Variants in ZNF705G observed in about 807,000 individuals in gnomAD.
ZNF705G encodes the protein putative zinc finger protein 705G.
ZNF705G carries 23 observed loss-of-function variants against 19.6 expected under a neutral mutation model. The observed-to-expected ratio is 1.17, with a 90% CI of 0.84 to 1.66. ZNF705G has a LOEUF of 1.66. ZNF705G is among the 40% of genes most tolerant of loss of function. The probability of loss-of-function intolerance (pLI) is 0.00; values close to 1 mark genes in which losing one functional copy is unlikely to be tolerated. For synonymous variants in ZNF705G, 146 were observed against 117.7 expected (o/e 1.24, Z -1.56); for missense variants, 457 against 354.4 (o/e 1.29, Z -2.32).
At chr8:7,370,472 A>G (rs1807054378) in intron 2 of ZNF705G, among the ~76,000 whole-genome samples, 1 of 149,522 alleles carries the variant, frequency 6.7e-6, no homozygotes, top group African/African-American at 2.6e-5. Flanking sequence ...TGGAGAAAAG[A>G]TAACCCTTGT....
intron 2 of ZNF705G, among the ~76,000 whole-genome samples, chr8:7,366,582 T>A (rs1487260384): frequency 6.7e-6 from 1 of 149,668 alleles, no homozygotes; most frequent in Non-Finnish European, 1.5e-5. Flanking sequence ...TGAAAAATAA[T>A]AATACCTGAG....
At chr8:7,383,213 A>G (rs1220901036) in intron 1 of ZNF705G, among the ~76,000 whole-genome samples, 1 of 149,606 alleles carries the variant, frequency 6.7e-6, no homozygotes, top group East Asian at 1.9e-4. Flanking sequence ...ATAGATTACA[A>G]CTAGGTGACA....
rs186976752 is a variant in ZNF705G at position 7,368,252 on chromosome 8, T to G, written c.-71-5235A>C. On this transcript the variant is annotated intron_variant, in intron 2 of 6. Coordinates refer to ENST00000400156, the MANE Select transcript of ZNF705G (RefSeq NM_001164457.3). ...ACTACTAAAAACCCTCACATAAAGT[T>G]GGAAACCAAAGAGTTAAGGCTATTT... is the stretch of plus-strand genomic sequence containing the variant. Among the ~76,000 whole-genome samples, 108 of 149,602 alleles carry G rather than the reference T, an allele frequency of 7.2e-4. 14 individuals are homozygous for G. The highest frequency in any genetic ancestry group is 2.7e-3 in the African/African-American group (105 of 39,044).
chr8:7,361,200 T>C lies in ZNF705G; in HGVS notation c.49A>G (p.Thr17Ala). 6.3e-7 allele frequency: 1 copy of C among 1,592,894 alleles called. No homozygotes were observed. Among genetic ancestry groups the C allele is most frequent in the Non-Finnish European group, 8.5e-7 (1 of 1,179,428 alleles). ...LTFEDVAIDFTQEEWAMMDTS... is the reference protein window; with the variant it reads ...LTFEDVAIDFAQEEWAMMDTS... Reference sequence around the variant, plus strand: ...TCCATCATGGCCCACTCTTCCTGGGTGAAGTCAATAGCTACATCTTCAAAA... The same window carrying C: ...TCCATCATGGCCCACTCTTCCTGGGCGAAGTCAATAGCTACATCTTCAAAA... The change falls in exon 4 of 7, where the codon ACC becomes GCC. Residue 17 changes from threonine (T) to alanine (A), a missense_variant. By Grantham distance (58) the Thr-to-Ala change is moderately conservative. Coordinates refer to ENST00000400156, the MANE Select transcript of ZNF705G (RefSeq NM_001164457.3).
Position 7,358,435 on chromosome 8 carries a change from C to T in ZNF705G, c.444G>A (p.Gln148=), listed in dbSNP as rs1563288251. ...HSGKKPYVSK[Q]CGKSLRNLLS... ...AAAGATTACGAAGGGATTTTCCACA[C>T]TGTTTGCTGACATAGGGTTTCTTTC... The change falls in exon 7 of 7, where the codon CAG becomes CAA. Residue 148 remains glutamine (Q), a synonymous_variant. Coordinates refer to ENST00000400156, the MANE Select transcript of ZNF705G (RefSeq NM_001164457.3). 5.0e-6 allele frequency: 8 copies of T among 1,607,712 alleles called. No homozygotes were observed. The highest frequency in any genetic ancestry group is 4.4e-5 in the South Asian group (4 of 90,712).
Position 7,375,373 on chromosome 8 carries a change from G to A in ZNF705G, c.-72+6079C>T, listed in dbSNP as rs566959940. On this transcript the variant is annotated intron_variant, in intron 2 of 6. Transcript: ENST00000400156. ...AGGACACAATTTTGTTCTTTTTATG[G>A]ATGCATAGTATTCCGTGACATATAT... Among the ~76,000 whole-genome samples the A allele has an allele frequency of 2.1e-5, 2 of 93,130 alleles. 1 individual carries two copies. Among genetic ancestry groups the A allele is most frequent in the African/African-American group, 1.0e-4 (2 of 20,010 alleles). 61.1% of individuals were successfully genotyped at this position (93,130 alleles called of 152,430 possible).
rs191668535 is a variant in ZNF705G, at chr8:7,357,749, C to A, written c.*227G>T. 11 of 779,572 alleles carry A rather than the reference C, an allele frequency of 1.4e-5. No homozygotes were observed. The highest frequency in any genetic ancestry group is 2.1e-5 in the Non-Finnish European group (11 of 513,194). The allele number at this position is 779,572 out of a possible 1,614,324, so 48.3% of individuals were successfully genotyped here. A position where few individuals can be genotyped will look rare whatever the true frequency, so the allele number is the denominator to read the frequency against. ...ACAGTATTTCTTCAAAATGTGAGTC[C>A]TTTGGCATGTTTAGATGCTACAACT... On this transcript the variant is annotated 3_prime_UTR_variant, in exon 7 of 7. Transcript: ENST00000400156.
chr8:7,361,829 A>C (rs1421639122), intron 3 of ZNF705G, among the ~76,000 whole-genome samples: 1 of 149,510 alleles, frequency 6.7e-6, no homozygotes, highest in Non-Finnish European at 1.5e-5. Context: ...AATGACCCAG[A>C]CTCCAGCATT....
At position 7,357,786 on chromosome 8, in the gene ZNF705G, C is replaced by T; in HGVS notation, c.*190G>A. On this transcript the variant is annotated 3_prime_UTR_variant, in exon 7 of 7. Transcript: ENST00000400156. ...TAGATGCTACAACTACAGCTGAAGT[C>T]TCTTCCACATTCCTTACCTTTGTCA... The T allele has an allele frequency of 1.1e-6, 1 of 932,002 alleles. No homozygotes were observed. The highest frequency in any genetic ancestry group is 1.5e-6 in the Non-Finnish European group (1 of 648,432). The allele number at this position is 932,002 out of a possible 1,614,324, so 57.7% of individuals were successfully genotyped here.
chr8:7,382,827 AG>A (rs1807554335), intron 1 of ZNF705G, among the ~76,000 whole-genome samples: 1 of 146,738 alleles, frequency 6.8e-6, no homozygotes, highest in Non-Finnish European at 1.5e-5. Flanking sequence ...GGGTACAGAT[AG>A]TTTTTTGTTA....
At chr8:7,369,324 G>T (rs1806995338) in intron 2 of ZNF705G, among the ~76,000 whole-genome samples, 2 of 149,530 alleles carry the variant, frequency 1.3e-5, no homozygotes, top group Non-Finnish European at 1.5e-5. Context: ...GTCTGCTGGG[G>T]TGGAGACTTC....
chr8:7,365,716 A>G lies in ZNF705G; in HGVS notation c.-71-2699T>C, dbSNP rs1177461121. The stretch of plus-strand genomic sequence containing the variant: ...AGGAAGGAACCATTCTGCATCCTCA[A>G]TATTACCTTAATATTTTAAGGACAC... On this transcript the variant is annotated intron_variant, in intron 2 of 6. Transcript: ENST00000400156. Among the ~76,000 whole-genome samples the G allele has an allele frequency of 3.9e-4, 59 of 149,626 alleles. 7 individuals are homozygous for G. The highest frequency in any genetic ancestry group is 1.4e-3 in the African/African-American group (55 of 39,042).
At chr8:7,381,704 G>A (rs1248263152) in intron 1 of ZNF705G, 103 bp from the exon 2 acceptor site, 1 of 148,626 alleles carries the variant, frequency 6.7e-6, no homozygotes, top group Admixed American at 6.6e-5. Context: ...GAGCAGACAT[G>A]GACATAAATA....
In ZNF705G at chr8:7,357,810, C is replaced by T; in HGVS notation, c.*166G>A. 2.8e-6 allele frequency: 3 copies of T among 1,085,346 alleles called. No homozygotes were observed. Among genetic ancestry groups the T allele is most frequent in the Non-Finnish European group, 3.8e-6 (3 of 786,286 alleles). The allele number at this position is 1,085,346 out of a possible 1,614,324, so 67.2% of individuals were successfully genotyped here. A position where few individuals can be genotyped will look rare whatever the true frequency, so the allele number is the denominator to read the frequency against. On this transcript the variant is annotated 3_prime_UTR_variant, in exon 7 of 7. Coordinates refer to ENST00000400156, the MANE Select transcript of ZNF705G (RefSeq NM_001164457.3). ...TCTCTTCCACATTCCTTACCTTTGT[C>T]ATTCCTAACACCGTGTCATCTAAAG...
At chr8:7,379,550 A>G (rs540062604) in intron 2 of ZNF705G, among the ~76,000 whole-genome samples, 18 of 147,382 alleles carry the variant, frequency 1.2e-4, no homozygotes, top group Admixed American at 3.3e-4. Context: ...AGAGGGCACT[A>G]GAATTCAGCA....
chr8:7,378,930 G>A (rs1399465063), intron 2 of ZNF705G, among the ~76,000 whole-genome samples: 1 of 147,564 alleles, frequency 6.8e-6, no homozygotes, highest in Admixed American at 6.6e-5. Flanking sequence ...GCTTTGGCGG[G>A]AGACAGAGGG....
intron 2 of ZNF705G, among the ~76,000 whole-genome samples, chr8:7,368,270 G>C (rs1328344857): frequency 1.3e-5 from 2 of 149,302 alleles, no homozygotes; most frequent in Non-Finnish European, 2.9e-5. Flanking sequence ...AAAGAGTTAA[G>C]GCTATTTTGA....
In ZNF705G at chr8:7,380,680, C is replaced by G. The variant is rs1219984677; in HGVS notation, c.-72+772G>C. On this transcript the variant is annotated intron_variant, in intron 2 of 6. Transcript: ENST00000400156. ...GCAATTGCTGATGCTACACATGCCT[C>G]CCAGGGTCTTGAGGGCATGCCTATC... Among the ~76,000 whole-genome samples the G allele has an allele frequency of 2.1e-5, 3 of 146,138 alleles. 1 individual carries two copies. Among genetic ancestry groups the G allele is most frequent in the African/African-American group, 8.4e-5 (3 of 35,900 alleles).
At position 7,361,177 on chromosome 8, in the gene ZNF705G, C is replaced by T. The variant is rs1806573607; in HGVS notation, c.72G>A (p.Met24Ile). ...TGTACAGCTTTCTCTTGGATGTGTC[C>T]ATCATGGCCCACTCTTCCTGGGTGA... ...IDFTQEEWAM[M>I]DTSKRKLYRD... Residue 24 changes from methionine (M) to isoleucine (I), a missense_variant, in exon 4 of 7, where the codon ATG (methionine) becomes ATA (isoleucine). Transcript: ENST00000400156. 3.8e-6 allele frequency: 6 copies of T among 1,592,922 alleles called. No homozygotes were observed. Among genetic ancestry groups the T allele is most frequent in the Non-Finnish European group, 5.1e-6 (6 of 1,179,448 alleles).
Sources: allele counts gnomAD v4.1 joint callset (sites outside exome capture counted in the v4.1 genomes callset), GRCh38; gene constraint gnomAD v4.1.1; transcripts MANE v1.5; gene names NCBI Gene and HGNC (gene_info 2026-07-23, HGNC 2026-07-21).